MARS1: variants seen among roughly 807,000 people sequenced by gnomAD.
MARS1 encodes methionine--tRNA ligase, cytoplasmic.
Under a neutral mutation model 119.5 loss-of-function variants are expected in MARS1, and 80 were observed. That is an observed-to-expected ratio of 0.67 (90% CI 0.56 to 0.81). The LOEUF is 0.81. Ranked by LOEUF, MARS1 falls within the 30% of genes least tolerant of loss-of-function variation. The pLI is 0.00. For missense variants in MARS1, 945 were observed against 1,116.5 expected (o/e 0.85, Z 2.19); for synonymous variants, 418 against 433.4 (o/e 0.96, Z 0.44).
chr12:57,515,837 T>C, intron 18 of MARS1, 83 bp from the exon 19 acceptor site: 2 of 959,642 alleles, frequency 2.1e-6, no homozygotes, highest in South Asian at 3.0e-5. Context: ...ACATCAGAGA[T>C]TGGGGTTGGA....
intron 11 of MARS1, among the ~76,000 whole-genome samples, chr12:57,507,164 G>A (rs1468087610): frequency 2.6e-5 from 4 of 152,044 alleles, no homozygotes; most frequent in Non-Finnish European, 1.5e-5. Context: ...GCACAGGGTT[G>A]GGGGTAAGGT....
chr12:57,502,143 G>A (rs546885352), intron 10 of MARS1, among the ~76,000 whole-genome samples: 8 of 152,288 alleles, frequency 5.3e-5, no homozygotes, highest in East Asian at 3.9e-4. Flanking sequence ...TAAACTCCAC[G>A]GAGTTGGATA....
At chr12:57,495,033 ATGGGGTGG>A (rs1876519751) in intron 7 of MARS1, among the ~76,000 whole-genome samples, 2 of 152,086 alleles carry the variant, frequency 1.3e-5, no homozygotes, top group African/African-American at 2.4e-5. Flanking sequence ...CACCTCCCAG[ATGGGGTGG>A]CGGCCGGGCA....
At chr12:57,495,489 G>A (rs940852931) in intron 7 of MARS1, among the ~76,000 whole-genome samples, 3 of 151,370 alleles carry the variant, frequency 2.0e-5, no homozygotes, top group Non-Finnish European at 4.4e-5. Flanking sequence ...GGTTGACGGC[G>A]GGGAAGAGGC....
At chr12:57,496,536 T>A (rs4760273) in intron 7 of MARS1, among the ~76,000 whole-genome samples, 1 of 151,840 alleles carries the variant, frequency 6.6e-6, no homozygotes, top group South Asian at 2.1e-4. Context: ...CCCAGCACTT[T>A]GGGAGGTTGA....
Position 57,504,330 on chromosome 12 carries a change from C to T in MARS1, c.1368+31C>T, listed in dbSNP as rs760177709. On this transcript the variant is annotated intron_variant, in intron 11 of 20. Transcript: ENST00000262027. ...TGAGCTTTTCTCTCAACCTAGTTTT[C>T]AGGAGGCCTCTTCTGTCCCCTCTGC... The T allele has an allele frequency of 2.5e-6, 4 of 1,584,102 alleles. No homozygotes were observed. The East Asian group carries it at 8.9e-5, about 35-fold the overall frequency.
In MARS1 at chr12:57,498,635, C is replaced by G; in HGVS notation, c.1091+12C>G. 8.7e-6 allele frequency: 14 copies of G among 1,612,508 alleles called. No homozygotes were observed. Among genetic ancestry groups the G allele is most frequent in the Non-Finnish European group, 1.2e-5 (14 of 1,178,604 alleles). On this transcript the variant is annotated intron_variant, in intron 9 of 20. Transcript: ENST00000262027. ...CCACAGCAGACCAAGTAAGTTTCCTCTAATGAGGCAGAAATGGGGCTTGAA... is the reference window on the plus strand; with the variant it reads ...CCACAGCAGACCAAGTAAGTTTCCTGTAATGAGGCAGAAATGGGGCTTGAA...
At chr12:57,500,606 T>A in intron 10 of MARS1, 84 bp downstream of exon 10, 1 of 1,335,378 alleles carries the variant, frequency 7.5e-7, no homozygotes, top group Non-Finnish European at 1.0e-6. Flanking sequence ...TTAGGATTTT[T>A]ATTTTAGCAT....
chr12:57,502,776 C>T (rs1482910043), intron 10 of MARS1, among the ~76,000 whole-genome samples: 8 of 150,988 alleles, frequency 5.3e-5, no homozygotes, highest in East Asian at 3.9e-4. Context: ...GCCTGTAGTC[C>T]GCGCACTTTG....
intron 7 of MARS1, among the ~76,000 whole-genome samples, chr12:57,494,478 C>T (rs1375471969): frequency 5.4e-5 from 8 of 149,154 alleles, no homozygotes; most frequent in Non-Finnish European, 8.9e-5. Flanking sequence ...CAGGTGCCTG[C>T]CACCACGCCT....
chr12:57,500,591 C>G lies in MARS1; in HGVS notation c.1293+69C>G, dbSNP rs1004934290. 10 of 1,454,512 alleles carry G rather than the reference C, an allele frequency of 6.9e-6. No individual in the cohort carries two copies. In the African/African-American group the frequency reaches 1.4e-4, roughly 20 times the overall value. The allele number at this position is 1,454,512 out of a possible 1,614,324, so 90.1% of individuals were successfully genotyped here. On this transcript the variant is annotated intron_variant, in intron 10 of 20. Coordinates refer to ENST00000262027, the MANE Select transcript of MARS1 (RefSeq NM_004990.4). ...TATTCTTAAGGGACGCCCTTCCTGTCCCATTTAGGATTTTTATTTTAGCAT... is the reference window on the plus strand; with the variant it reads ...TATTCTTAAGGGACGCCCTTCCTGTGCCATTTAGGATTTTTATTTTAGCAT...
chr12:57,512,607 CT>C (rs1350316915), intron 14 of MARS1, 143 bp from the exon 15 acceptor site: 2 of 707,162 alleles, frequency 2.8e-6, no homozygotes, highest in African/African-American at 1.8e-5. Context: ...CTCCCAAAAT[CT>C]GAGCATACCA....
intron 11 of MARS1, among the ~76,000 whole-genome samples, chr12:57,507,779 G>A (rs1330609122): frequency 2.0e-5 from 3 of 150,012 alleles, no homozygotes; most frequent in Non-Finnish European, 4.5e-5. Flanking sequence ...CCTCCCGGAC[G>A]GGGCGGCTGG....
chr12:57,491,461 A>G (rs1057132058), intron 7 of MARS1, among the ~76,000 whole-genome samples: 15 of 152,124 alleles, frequency 9.9e-5, no homozygotes, highest in African/African-American at 3.4e-4. Flanking sequence ...CCCTAGCTGT[A>G]TTATTCATTC....
intron 1 of MARS1, 41 bp downstream of exon 1, chr12:57,488,240 G>T: frequency 6.4e-7 from 1 of 1,564,754 alleles, no homozygotes. Flanking sequence ...TGGGGGGGCG[G>T]GACCGAAACA....
In MARS1 at chr12:57,489,333, G is replaced by C. The variant is rs752312333; in HGVS notation, c.267G>C (p.Ala89=). The change falls in exon 3 of 21, where the codon GCG becomes GCC. Residue 89 remains alanine (A), a synonymous_variant. Transcript: ENST00000262027. ...DLTNQWLEWE[A]TELQPALSAA... Reference sequence around the variant, plus strand: ...CTAACCAGTGGCTGGAATGGGAAGCGACAGAGCTGCAGGTAGGACTAAGGT... The same window carrying C: ...CTAACCAGTGGCTGGAATGGGAAGCCACAGAGCTGCAGGTAGGACTAAGGT... 2.5e-6 allele frequency: 4 copies of C among 1,613,922 alleles called. No homozygotes were observed. In the African/African-American group the frequency reaches 5.3e-5, roughly 22 times the overall value.
chr12:57,514,517 A>C (rs1327852777), intron 15 of MARS1, among the ~76,000 whole-genome samples: 3 of 152,162 alleles, frequency 2.0e-5, no homozygotes, highest in African/African-American at 7.2e-5. Flanking sequence ...CAGGTTTCTT[A>C]TGTGCAGAGT....
intron 7 of MARS1, among the ~76,000 whole-genome samples, chr12:57,492,001 C>A (rs932195200): frequency 6.6e-6 from 1 of 152,060 alleles, no homozygotes; most frequent in Non-Finnish European, 1.5e-5. Context: ...AAGTCCAGGC[C>A]GGGCGCGGTG....
Position 57,515,190 on chromosome 12 carries a change from G to C in MARS1, c.2245G>C (p.Ala749Pro). ...AGTGACTGGCTTGGCAGTGAATATA[G>C]CTGCCTTGCTCTCTGTCATGCTTCA... The part of the protein sequence containing the change: ...GTVTGLAVNI[A>P]ALLSVMLQPY... Residue 749 changes from alanine to proline, a missense_variant, in exon 18 of 21, where the codon GCT becomes CCT. Ala to Pro is a conservative substitution (Grantham distance 27). Transcript: ENST00000262027. The C allele has an allele frequency of 3.1e-6, 5 of 1,614,178 alleles. No individual in the cohort carries two copies. The highest frequency in any genetic ancestry group is 4.2e-6 in the Non-Finnish European group (5 of 1,180,040).
Sources: gnomAD v4.1 joint callset for allele counts (sites outside exome capture counted in the v4.1 genomes callset) on GRCh38, gnomAD v4.1.1 for gene constraint, MANE v1.5 for transcripts, NCBI Gene and HGNC (gene_info 2026-07-23, HGNC 2026-07-21) for gene names.